The following RUNX2 variants were observed in gnomAD, a reference collection of about 807,000 sequenced individuals.
The protein encoded by RUNX2 is runt-related transcription factor 2.
RUNX2 carries 10 observed loss-of-function variants against 51.7 expected under a neutral mutation model. The observed-to-expected ratio is 0.19, with a 90% CI of 0.12 to 0.33. The LOEUF (loss-of-function observed/expected upper bound fraction) is 0.33, where lower values mean the gene tolerates loss of function less well. RUNX2 is among the 10% of genes least tolerant of loss of function. RUNX2 has a pLI of 1.00. For synonymous variants in RUNX2, 276 were observed against 273.6 expected (o/e 1.01, Z -0.09); for missense variants, 562 against 691.3 (o/e 0.81, Z 2.10).
intron 2 of RUNX2, among the ~76,000 whole-genome samples, chr6:45,396,239 T>C (rs1797579484): frequency 6.6e-6 from 1 of 152,228 alleles, no homozygotes; most frequent in South Asian, 2.1e-4. Flanking sequence ...TAATAATATT[T>C]TATAATTTTA....
At chr6:45,378,104 C>G (rs972237370) in intron 2 of RUNX2, among the ~76,000 whole-genome samples, 3 of 152,134 alleles carry the variant, frequency 2.0e-5, no homozygotes, top group Non-Finnish European at 4.4e-5. Flanking sequence ...GCTACTTCCG[C>G]CACGCTCGCC....
chr6:45,438,143 T>C, intron 5 of RUNX2, 92 bp downstream of exon 5: 6 of 837,594 alleles, frequency 7.2e-6, no homozygotes, highest in Non-Finnish European at 1.0e-5. Flanking sequence ...CACTTTCATG[T>C]CCATAGTGTC....
rs1561825198 is a variant in RUNX2, at chr6:45,550,515, A to G, written c.*3210A>G. 1 of 152,610 alleles carries G rather than the reference A, an allele frequency of 6.6e-6. No individual in the cohort carries two copies. Among genetic ancestry groups the G allele is most frequent in the Non-Finnish European group, 1.5e-5 (1 of 68,042 alleles). The allele number at this position is 152,610 out of a possible 1,614,324, so 9.5% of individuals were successfully genotyped here. On this transcript the variant is annotated 3_prime_UTR_variant, in exon 9 of 9. Coordinates refer to ENST00000647337, the MANE Select transcript of RUNX2 (RefSeq NM_001024630.4). ...AGGTTAATACATGGAAACACGAAGC[A>G]TTAGCAAAAGTAATAATTATACCTA...
chr6:45,361,327 TA>T (rs1794220486), intron 2 of RUNX2, among the ~76,000 whole-genome samples: 1 of 152,138 alleles, frequency 6.6e-6, no homozygotes, highest in African/African-American at 2.4e-5. Flanking sequence ...TCCCAATTTT[TA>T]AAAACGTGGT....
At chr6:45,478,171 T>G (rs2150397969) in intron 5 of RUNX2, among the ~76,000 whole-genome samples, 1 of 152,326 alleles carries the variant, frequency 6.6e-6, no homozygotes, top group Non-Finnish European at 1.5e-5. Context: ...CTCTTTGGTT[T>G]CCTTTTCATA....
At chr6:45,415,803 C>T (rs532499680) in intron 2 of RUNX2, among the ~76,000 whole-genome samples, 34 of 151,832 alleles carry the variant, frequency 2.2e-4, no homozygotes, top group Admixed American at 2.1e-3. Flanking sequence ...TTAATGGATC[C>T]GGATTCATTT....
At chr6:45,343,075 G>A (rs1315024656) in intron 2 of RUNX2, among the ~76,000 whole-genome samples, 1 of 152,144 alleles carries the variant, frequency 6.6e-6, no homozygotes, top group Admixed American at 6.5e-5. Flanking sequence ...AATGTAAAGT[G>A]TCTACACTGA....
At chr6:45,474,849 A>G (rs1212509282) in intron 5 of RUNX2, among the ~76,000 whole-genome samples, 1 of 152,150 alleles carries the variant, frequency 6.6e-6, no homozygotes, top group Non-Finnish European at 1.5e-5. Context: ...TCAATAATTT[A>G]TTTATTCAAC....
chr6:45,501,889 C>A (rs1316330), intron 6 of RUNX2, among the ~76,000 whole-genome samples: 27,339 of 152,056 alleles, frequency 0.18, 3,128 homozygotes, highest in Non-Finnish European at 0.26. Flanking sequence ...GTTTCAGCAA[C>A]TTAGATTTTA....
At chr6:45,473,727 G>A (rs554325512) in intron 5 of RUNX2, among the ~76,000 whole-genome samples, 3 of 152,298 alleles carry the variant, frequency 2.0e-5, no homozygotes, top group Admixed American at 6.5e-5. Flanking sequence ...CCCTCTTTGG[G>A]TTCAGGAAAT....
rs139919880 is a variant in RUNX2 at position 45,503,123 on chromosome 6, A to G, written c.860-9123A>G. ...TTAGAGAAGCTTTCCCTGATGCTCA[A>G]TGTGGTTGGAGTTCCCATTTTATGG... On this transcript the variant is annotated intron_variant, in intron 6 of 8. Coordinates refer to ENST00000647337, the MANE Select transcript of RUNX2 (RefSeq NM_001024630.4). Among the ~76,000 whole-genome samples the G allele has an allele frequency of 1.2e-4, 19 of 152,268 alleles. No individual in the cohort carries two copies. The East Asian group carries it at 3.3e-3, about 26-fold the overall frequency.
intron 5 of RUNX2, among the ~76,000 whole-genome samples, chr6:45,460,691 C>T (rs535883316): frequency 2.8e-4 from 42 of 151,734 alleles, no homozygotes; most frequent in African/African-American, 9.7e-4. Context: ...GCCAGGAGTT[C>T]GAGGCTGTCA....
chr6:45,501,320 A>G (rs569325052), intron 6 of RUNX2, among the ~76,000 whole-genome samples: 1 of 152,236 alleles, frequency 6.6e-6, no homozygotes, highest in East Asian at 1.9e-4. Flanking sequence ...AGGCTCCCCC[A>G]TCCTGTCTTG....
chr6:45,366,619 G>C (rs896242002), intron 2 of RUNX2, among the ~76,000 whole-genome samples: 4 of 151,900 alleles, frequency 2.6e-5, no homozygotes, highest in African/African-American at 9.7e-5. Flanking sequence ...TCACAATCAG[G>C]CAAGTTTTTA....
intron 5 of RUNX2, among the ~76,000 whole-genome samples, chr6:45,444,094 C>T (rs1798921481): frequency 6.6e-6 from 1 of 152,206 alleles, no homozygotes; most frequent in Non-Finnish European, 1.5e-5. Context: ...AGGTGATCTG[C>T]CCGCCTCGGC....
Position 45,389,109 on chromosome 6 carries a change from A to G in RUNX2, c.59-33484A>G, listed in dbSNP as rs114993982. Among the ~76,000 whole-genome samples the G allele has an allele frequency of 2.6e-3, 393 of 152,354 alleles. 2 individuals are homozygous for G. Among genetic ancestry groups the G allele is most frequent in the African/African-American group, 8.6e-3 (359 of 41,574 alleles). ...TACTACTTGTCTTGCAGCAAGTGCT[A>G]ATTGATGACCAAGTAAGTGAACAAA... On this transcript the variant is annotated intron_variant, in intron 2 of 8. Coordinates refer to ENST00000647337, the MANE Select transcript of RUNX2 (RefSeq NM_001024630.4).
chr6:45,341,727 A>G (rs1449636792), intron 2 of RUNX2, among the ~76,000 whole-genome samples: 3 of 152,230 alleles, frequency 2.0e-5, no homozygotes, highest in Non-Finnish European at 4.4e-5. Flanking sequence ...AGCAGTAGCA[A>G]TATTATTACA....
At chr6:45,493,862 G>C (rs1217170519) in intron 6 of RUNX2, among the ~76,000 whole-genome samples, 1 of 151,896 alleles carries the variant, frequency 6.6e-6, no homozygotes, top group Non-Finnish European at 1.5e-5. Context: ...TATGTTCCAT[G>C]ATTTGGCAAC....
chr6:45,430,332 G>C (rs923142477), intron 3 of RUNX2, among the ~76,000 whole-genome samples: 1 of 152,098 alleles, frequency 6.6e-6, no homozygotes, highest in African/African-American at 2.4e-5. Flanking sequence ...GAGTACATTG[G>C]GAGGCTGGGG....
Sources: gnomAD v4.1 joint callset for allele counts (sites outside exome capture counted in the v4.1 genomes callset) on GRCh38, gnomAD v4.1.1 for gene constraint, MANE v1.5 for transcripts, NCBI Gene and HGNC (gene_info 2026-07-23, HGNC 2026-07-21) for gene names.